Variants in SPATA7 observed in about 807,000 individuals in gnomAD.
SPATA7 encodes the protein spermatogenesis-associated protein 7.
SPATA7 carries 43 observed loss-of-function variants against 51.8 expected under a neutral mutation model. The ratio of observed to expected loss-of-function variants is 0.83; its 90% CI spans 0.65 to 1.07. The LOEUF (loss-of-function observed/expected upper bound fraction) is 1.07, where lower values mean the gene tolerates loss of function less well. Among genes scored for constraint, SPATA7 ranks in the 50% least tolerant of loss-of-function variants. The pLI is 0.00. For synonymous variants in SPATA7, 230 were observed against 252.8 expected, an observed-to-expected ratio of 0.91 and a Z score of 0.86; for missense variants, 683 against 701.3, an observed-to-expected ratio of 0.97 and a Z score of 0.30.
At chr14:88,394,117 A>G (rs2075818378) in intron 3 of SPATA7, among the ~76,000 whole-genome samples, 2 of 152,218 alleles carry the variant, frequency 1.3e-5, no homozygotes, top group Admixed American at 1.3e-4. Context: ...AGTTATCCAT[A>G]GACAAACAAT....
chr14:88,467,047 G>C (rs2077375171), intron 4 of SPATA7: 2 of 152,182 alleles, frequency 1.3e-5, no homozygotes, highest in Admixed American at 1.3e-4. Context: ...TGGGGACAGT[G>C]CTGTGGGGTC....
chr14:88,468,997 C>T (rs2077410624), intron 4 of SPATA7: 2 of 1,614,148 alleles, frequency 1.2e-6, no homozygotes, highest in Non-Finnish European at 1.7e-6. Context: ...TGCAGTGGAC[C>T]AACAACGGAG....
Position 88,416,845 on chromosome 14 carries a change from G to T in SPATA7, c.372+1G>T, listed in dbSNP as rs777506416. On this transcript the variant is annotated splice_donor_variant, in intron 5 of 11. Transcript: ENST00000393545. LOFTEE classifies it high-confidence loss of function. Reference sequence around the variant, plus strand: ...GTCACTTTTTAATACCTTACAAAAGGTAAGATAGTATTTTTATTTTTTAAA... The same window carrying T: ...GTCACTTTTTAATACCTTACAAAAGTTAAGATAGTATTTTTATTTTTTAAA... 5 of 1,579,912 alleles carry T rather than the reference G, an allele frequency of 3.2e-6. No homozygotes were observed. The highest frequency in any genetic ancestry group is 4.3e-6 in the Non-Finnish European group (5 of 1,151,320).
intron 3 of SPATA7, among the ~76,000 whole-genome samples, chr14:88,394,471 T>C (rs1392371531): frequency 6.6e-6 from 1 of 152,228 alleles, no homozygotes; most frequent in Non-Finnish European, 1.5e-5. Context: ...ATTCACACTG[T>C]TCTGTGTACC....
At chr14:88,431,827 A>G (rs1396360004) in intron 9 of SPATA7, among the ~76,000 whole-genome samples, 4 of 152,174 alleles carry the variant, frequency 2.6e-5, no homozygotes, top group Non-Finnish European at 4.4e-5. Flanking sequence ...CATGGTGTAT[A>G]TATACATTTT....
downstream of SPATA7, chr14:88,455,374 G>A (rs1595317246): frequency 5.2e-6 from 1 of 192,062 alleles, no homozygotes; most frequent in Non-Finnish European, 1.1e-5. Context: ...ATAATCCAGT[G>A]GGGAAATAGG....
downstream of SPATA7, among the ~76,000 whole-genome samples, chr14:88,459,181 A>T (rs2077302317): frequency 6.6e-6 from 1 of 152,230 alleles, no homozygotes; most frequent in Admixed American, 6.5e-5. Context: ...TGTGGTGCTG[A>T]GAAGAATGTA....
intron 10 of SPATA7, among the ~76,000 whole-genome samples, chr14:88,434,696 A>G (rs1307848363): frequency 1.3e-5 from 2 of 151,784 alleles, no homozygotes; most frequent in East Asian, 1.9e-4. Flanking sequence ...AGAAAAAAAA[A>G]AAAAAAGAAA....
intron 4 of SPATA7, 65 bp from the exon 5 acceptor site, chr14:88,416,645 TA>T: frequency 6.6e-7 from 1 of 1,505,414 alleles, no homozygotes; most frequent in Non-Finnish European, 9.2e-7. Flanking sequence ...TTTATTACTC[TA>T]ACAAGACCAA....
intron 4 of SPATA7, among the ~76,000 whole-genome samples, chr14:88,405,575 T>G (rs969193056): frequency 1.3e-5 from 2 of 152,174 alleles, no homozygotes; most frequent in Non-Finnish European, 2.9e-5. Context: ...GATGTAGATG[T>G]AGTGTGAGAG....
At chr14:88,464,091 G>A (rs992427672) in intron 4 of SPATA7, among the ~76,000 whole-genome samples, 21 of 151,852 alleles carry the variant, frequency 1.4e-4, no homozygotes, top group African/African-American at 4.1e-4. Flanking sequence ...CACCCGCCTC[G>A]GCCTCCCAAA....
intron 4 of SPATA7, among the ~76,000 whole-genome samples, chr14:88,461,175 C>A (rs1006652958): frequency 1.3e-5 from 2 of 152,220 alleles, no homozygotes; most frequent in Non-Finnish European, 2.9e-5. Flanking sequence ...CTTGAGGGGG[C>A]AGTCTGTCCG....
chr14:88,444,184 T>C (rs531001721), intron 3 of SPATA7, among the ~76,000 whole-genome samples: 15 of 152,062 alleles, frequency 9.9e-5, no homozygotes, highest in Non-Finnish European at 1.5e-4. Context: ...TTCTAACTGG[T>C]GTGAGATGGT....
intron 4 of SPATA7, chr14:88,466,319 G>T (rs537458971): frequency 6.6e-6 from 1 of 152,020 alleles, no homozygotes; most frequent in Non-Finnish European, 1.5e-5. Flanking sequence ...AGAAGTGTGC[G>T]TACTTTCAAT....
intron 5 of SPATA7, among the ~76,000 whole-genome samples, chr14:88,420,175 C>T (rs2076602315): frequency 6.6e-6 from 1 of 152,194 alleles, no homozygotes; most frequent in African/African-American, 2.4e-5. Flanking sequence ...GGGATTCTCT[C>T]TACTCTTCCC....
chr14:88,468,137 T>C (rs1309847105), intron 4 of SPATA7: 1 of 1,613,966 alleles, frequency 6.2e-7, no homozygotes, highest in Non-Finnish European at 8.5e-7. Flanking sequence ...TTGTGGGAGC[T>C]TAGATGAGCC....
chr14:88,440,728 A>G (rs1380121901), downstream of SPATA7, among the ~76,000 whole-genome samples: 1 of 152,098 alleles, frequency 6.6e-6, no homozygotes, highest in Non-Finnish European at 1.5e-5. Flanking sequence ...GTGTTTTCTC[A>G]TATCTTGGAG....
chr14:88,439,854 A>T (rs896066107), downstream of SPATA7, among the ~76,000 whole-genome samples: 1 of 151,798 alleles, frequency 6.6e-6, no homozygotes, highest in East Asian at 1.9e-4. Context: ...GGAATCCCCA[A>T]CTCACCCTGC....
At chr14:88,406,368 T>A (rs942150271) in intron 4 of SPATA7, among the ~76,000 whole-genome samples, 5 of 151,486 alleles carry the variant, frequency 3.3e-5, no homozygotes, top group African/African-American at 1.2e-4. Flanking sequence ...TTTATGAAGA[T>A]CCCTTGTACC....
Sources: allele counts gnomAD v4.1 joint callset (sites outside exome capture counted in the v4.1 genomes callset), GRCh38; gene constraint gnomAD v4.1.1; transcripts MANE v1.5; gene names NCBI Gene and HGNC (gene_info 2026-07-23, HGNC 2026-07-21).